The following KDM4B variants were observed in gnomAD, a reference collection of about 807,000 sequenced individuals.
The protein encoded by KDM4B is lysine-specific demethylase 4B.
KDM4B carries 32 observed loss-of-function variants against 125.2 expected under a neutral mutation model. The ratio of observed to expected loss-of-function variants is 0.26; its 90% CI spans 0.19 to 0.34. The LOEUF (loss-of-function observed/expected upper bound fraction) is 0.34. KDM4B is among the 10% of genes least tolerant of loss of function. The pLI is 1.00. For missense variants in KDM4B, 1,190 were observed against 1,577.7 expected, an observed-to-expected ratio of 0.75 and a Z score of 4.16; for synonymous variants, 721 against 677.9, an observed-to-expected ratio of 1.06 and a Z score of -0.99.
intron 1 of KDM4B, among the ~76,000 whole-genome samples, chr19:5,012,703 A>T (rs982208989): frequency 6.6e-6 from 1 of 152,044 alleles, no homozygotes; most frequent in African/African-American, 2.4e-5. Flanking sequence ...AGGACTTCAG[A>T]GGTAAGGGCT....
chr19:5,080,867 T>C (rs1278139604), intron 8 of KDM4B: 4 of 151,980 alleles, frequency 2.6e-5, no homozygotes. Context: ...TGTTTAGAAA[T>C]GAAAAGGAGC....
At chr19:5,095,023 C>T (rs934930138) in intron 9 of KDM4B, among the ~76,000 whole-genome samples, 17 of 152,096 alleles carry the variant, frequency 1.1e-4, no homozygotes, top group African/African-American at 3.4e-4. Flanking sequence ...AGGGATGGGA[C>T]GTGTTGAGCC....
intron 14 of KDM4B, among the ~76,000 whole-genome samples, chr19:5,134,586 C>T (rs1231803947): frequency 6.6e-6 from 1 of 152,226 alleles, no homozygotes; most frequent in Non-Finnish European, 1.5e-5. Flanking sequence ...CAGCCGTTTT[C>T]CTCGGATCTC....
chr19:5,111,223 C>G (rs2039137391), intron 10 of KDM4B, among the ~76,000 whole-genome samples: 1 of 152,250 alleles, frequency 6.6e-6, no homozygotes, highest in South Asian at 2.1e-4. Context: ...TGCTGTCCGG[C>G]TACTCGGGCC....
At chr19:4,973,789 G>T (rs919857538) in intron 1 of KDM4B, among the ~76,000 whole-genome samples, 3 of 148,924 alleles carry the variant, frequency 2.0e-5, no homozygotes, top group African/African-American at 7.4e-5. Context: ...TAGTTTTGCT[G>T]TGAACCTAAA....
chr19:4,995,175 G>A (rs1238834346), intron 1 of KDM4B, among the ~76,000 whole-genome samples: 1 of 152,060 alleles, frequency 6.6e-6, no homozygotes, highest in Non-Finnish European at 1.5e-5. Context: ...GCTTGGGAAG[G>A]ACACCAGCTC....
At chr19:4,983,149 T>C (rs2034705048) in intron 1 of KDM4B, among the ~76,000 whole-genome samples, 1 of 151,792 alleles carries the variant, frequency 6.6e-6, no homozygotes, top group African/African-American at 2.4e-5. Flanking sequence ...TTTTTTTTTT[T>C]TTGGGTGCTG....
At position 5,081,904 on chromosome 19, in the gene KDM4B, C is replaced by T. The variant is rs563788627; in HGVS notation, c.781-463C>T. 1.3e-5 allele frequency among the ~76,000 whole-genome samples: 2 copies of T among 152,344 alleles called. No homozygotes were observed. The highest frequency in any genetic ancestry group is 4.8e-5 in the African/African-American group (2 of 41,576). ...CTAAAGCTGCTGTCAGCACCACCCG[C>T]CCCGAAACCAGCCCCAGCTGCTTCA... On this transcript the variant is annotated intron_variant, in intron 8 of 22. Coordinates refer to ENST00000159111, the MANE Select transcript of KDM4B (RefSeq NM_015015.3). This position sits in a 1 kb window ranked among gnomAD's most constrained non-coding sequence, Gnocchi z 4.2.
chr19:5,093,772 G>A (rs1158382609), intron 9 of KDM4B, among the ~76,000 whole-genome samples: 1 of 152,202 alleles, frequency 6.6e-6, no homozygotes, highest in Non-Finnish European at 1.5e-5. Flanking sequence ...CACCGCGCAG[G>A]TCACTGTTCA....
At chr19:5,147,384 G>A (rs2146113889) in intron 21 of KDM4B, among the ~76,000 whole-genome samples, 1 of 152,104 alleles carries the variant, frequency 6.6e-6, no homozygotes, top group East Asian at 1.9e-4. Context: ...CATGTCACCA[G>A]AGCCCAGGCA....
intron 6 of KDM4B, among the ~76,000 whole-genome samples, chr19:5,063,987 G>A (rs1024034571): frequency 6.6e-6 from 1 of 152,186 alleles, no homozygotes; most frequent in African/African-American, 2.4e-5. Flanking sequence ...GTTGGGTCTC[G>A]CAGGAAGCCC....
intron 1 of KDM4B, among the ~76,000 whole-genome samples, chr19:4,994,421 T>TTA: frequency 6.6e-6 from 1 of 151,724 alleles, no homozygotes. Context: ...AAAATACACA[T>TTA]GCGTGGTGGC....
chr19:5,030,747 G>C (rs1236377592), intron 2 of KDM4B, among the ~76,000 whole-genome samples: 1 of 152,252 alleles, frequency 6.6e-6, no homozygotes, highest in Admixed American at 6.5e-5. Flanking sequence ...GTGGGCCTCT[G>C]TGCCTCCTCA....
In KDM4B at chr19:5,114,275, C is replaced by T. The variant is rs2039211939; in HGVS notation, c.1115+3457C>T. On this transcript the variant is annotated intron_variant, in intron 10 of 22. Transcript: ENST00000159111. This position sits in a 1 kb window ranked among gnomAD's most constrained non-coding sequence, Gnocchi z 5.8. Reference sequence around the variant, plus strand: ...ACCCGCCTCACCACAGCCTCCCTGGCCCACTGCTGCTCTGTGAGCCCGGCT... The same window carrying T: ...ACCCGCCTCACCACAGCCTCCCTGGTCCACTGCTGCTCTGTGAGCCCGGCT... 1 of 1,260,042 alleles carries T rather than the reference C, an allele frequency of 7.9e-7. No homozygotes were observed. Among genetic ancestry groups the T allele is most frequent in the South Asian group, 1.2e-5 (1 of 80,436 alleles). 78.1% of individuals were successfully genotyped at this position (1,260,042 alleles called of 1,614,324 possible).
intron 18 of KDM4B, among the ~76,000 whole-genome samples, chr19:5,143,424 G>A (rs1025653482): frequency 2.6e-5 from 4 of 152,048 alleles, no homozygotes; most frequent in Admixed American, 2.6e-4. Flanking sequence ...TCTAATTCCA[G>A]AACAGTTCAT....
At chr19:4,984,326 A>G (rs2034752665) in intron 1 of KDM4B, among the ~76,000 whole-genome samples, 1 of 152,212 alleles carries the variant, frequency 6.6e-6, no homozygotes, top group Admixed American at 6.5e-5. Flanking sequence ...TTTCCATTCC[A>G]AGACAGCTTA....
chr19:5,144,338 G>A lies in KDM4B; in HGVS notation c.2827G>A (p.Ala943Thr), dbSNP rs1039254369. 18 of 1,575,736 alleles carry A rather than the reference G, an allele frequency of 1.1e-5. No homozygotes were observed. In the East Asian group the frequency reaches 1.2e-4, roughly 10 times the overall value. ...LYYRCRVIGA[A>T]SQTCYEVNFD... ...CTACCGCTGTCGCGTCATCGGTGCC[G>A]CCTCGCAGACCTGCTACGAAGTGAA... The change falls in exon 20 of 23, where the codon GCC becomes ACC. Residue 943 changes from alanine (A) to threonine (T), a missense_variant. Physicochemically the swap from Ala to Thr is moderately conservative, Grantham distance 58. Transcript: ENST00000159111.
chr19:5,137,937 G>C, intron 17 of KDM4B, 25 bp from the exon 18 acceptor site: 1 of 1,593,582 alleles, frequency 6.3e-7, no homozygotes, highest in Non-Finnish European at 8.6e-7. Flanking sequence ...AGGCGCACCT[G>C]ACCCCGCTGC....
rs146125380 is a variant in KDM4B, at chr19:4,977,717, G to C, written c.-109+8487G>C. ...CCTGAAACTACCCACGGGTGCTGTG[G>C]ACCCCTTGATCATGGCGGGATGGAA... On this transcript the variant is annotated intron_variant, in intron 1 of 22. Transcript: ENST00000159111. Among the ~76,000 whole-genome samples the C allele has an allele frequency of 7.6e-4, 116 of 152,306 alleles. No homozygotes were observed. In the East Asian group the frequency reaches 0.021, roughly 28 times the overall value.
Sources: gnomAD v4.1 joint callset for allele counts (sites outside exome capture counted in the v4.1 genomes callset) on GRCh38, gnomAD v4.1.1 for gene constraint, Gnocchi (gnomAD v3.1) non-coding constraint, MANE v1.5 for transcripts, NCBI Gene and HGNC (gene_info 2026-07-23, HGNC 2026-07-21) for gene names.